Variants in ADAMTS18 observed in about 807,000 individuals in gnomAD.
ADAMTS18 encodes ADAM metallopeptidase with thrombospondin type 1 motif 18.
In ADAMTS18, 157 loss-of-function variants were observed where a neutral mutation model predicts 165.9. The ratio of observed to expected loss-of-function variants is 0.95; its 90% CI spans 0.83 to 1.08. The LOEUF (loss-of-function observed/expected upper bound fraction) is 1.08, where lower values mean the gene tolerates loss of function less well. ADAMTS18 is among the 50% of genes least tolerant of loss of function. ADAMTS18 has a pLI of 0.00. For synonymous variants in ADAMTS18, 782 were observed against 578.2 expected, an observed-to-expected ratio of 1.35 and a Z score of -5.06; for missense variants, 2,040 against 1,534.0, an observed-to-expected ratio of 1.33 and a Z score of -5.51.
intron 16 of ADAMTS18, among the ~76,000 whole-genome samples, chr16:77,302,157 C>T (rs774490515): frequency 1.3e-5 from 2 of 151,878 alleles, no homozygotes; most frequent in Non-Finnish European, 2.9e-5. Context: ...GTATGCTTTC[C>T]TGCAGTGTTT....
chr16:77,315,597 T>G (rs561618869), intron 16 of ADAMTS18, among the ~76,000 whole-genome samples: 2 of 152,166 alleles, frequency 1.3e-5, no homozygotes, highest in South Asian at 4.1e-4. Flanking sequence ...AAGATCCTGT[T>G]TCCAGCACAA....
chr16:77,413,897 C>A (rs2057496973), intron 3 of ADAMTS18, among the ~76,000 whole-genome samples: 1 of 151,036 alleles, frequency 6.6e-6, no homozygotes, highest in South Asian at 2.1e-4. Flanking sequence ...TGAAAATGTT[C>A]AGAACATGGC....
At chr16:77,392,764 C>G (rs28410352) in intron 3 of ADAMTS18, among the ~76,000 whole-genome samples, 2 of 152,078 alleles carry the variant, frequency 1.3e-5, no homozygotes, top group Non-Finnish European at 2.9e-5. Flanking sequence ...TCCTAGATGG[C>G]AGATCTCTGT....
At chr16:77,355,792 T>C (rs2056620546) in intron 9 of ADAMTS18, 148 bp downstream of exon 9, 1 of 987,490 alleles carries the variant, frequency 1.0e-6, no homozygotes, top group Admixed American at 1.8e-5. Context: ...AATGTCATCA[T>C]CACCATCATC....
intron 12 of ADAMTS18, among the ~76,000 whole-genome samples, chr16:77,334,385 TTATA>T (rs1221682928): frequency 8.9e-6 from 1 of 112,466 alleles, no homozygotes; most frequent in Non-Finnish European, 1.6e-5. Flanking sequence ...AGTATATATA[TTATA>T]TATATACTGT....
At chr16:77,344,920 T>C (rs1597149485) in intron 10 of ADAMTS18, among the ~76,000 whole-genome samples, 1 of 152,124 alleles carries the variant, frequency 6.6e-6, no homozygotes, top group East Asian at 1.9e-4. Flanking sequence ...GAGTTTGCAC[T>C]TTTTTTGCTT....
At chr16:77,335,590 T>G (rs908067750) in intron 12 of ADAMTS18, among the ~76,000 whole-genome samples, 166 bp downstream of exon 12, 1 of 152,182 alleles carries the variant, frequency 6.6e-6, no homozygotes, top group Non-Finnish European at 1.5e-5. Context: ...CCACATTGTA[T>G]AGTTGTATCA....
intron 10 of ADAMTS18, among the ~76,000 whole-genome samples, chr16:77,344,884 C>T (rs1032203013): frequency 6.6e-6 from 1 of 152,146 alleles, no homozygotes; most frequent in Non-Finnish European, 1.5e-5. Flanking sequence ...CTTGAGAAGG[C>T]TCCCTTTCAA....
At chr16:77,402,130 G>T (rs1166105874) in intron 3 of ADAMTS18, among the ~76,000 whole-genome samples, 1 of 152,144 alleles carries the variant, frequency 6.6e-6, no homozygotes, top group Non-Finnish European at 1.5e-5. Flanking sequence ...TGTCCTATGG[G>T]TTCTGTTTTT....
At chr16:77,362,391 A>G in intron 6 of ADAMTS18, 127 bp from the exon 7 acceptor site, 1 of 1,023,686 alleles carries the variant, frequency 9.8e-7, no homozygotes, top group Non-Finnish European at 1.5e-6. Context: ...CACTTGAGCT[A>G]AGGTAGGAGA....
intron 3 of ADAMTS18, among the ~76,000 whole-genome samples, chr16:77,380,776 T>C (rs1400176970): frequency 1.3e-5 from 2 of 152,176 alleles, no homozygotes; most frequent in Admixed American, 6.6e-5. Context: ...TGGGGGTCAG[T>C]GGTTCCTATG....
intron 12 of ADAMTS18, 69 bp from the exon 13 acceptor site, chr16:77,326,107 A>C: frequency 2.0e-6 from 3 of 1,483,630 alleles, no homozygotes; most frequent in Non-Finnish European, 2.8e-6. Flanking sequence ...ATGCAATAAT[A>C]TGAAGAGAGG....
At position 77,297,789 on chromosome 16, in the gene ADAMTS18, T is replaced by A. The variant is rs544695003; in HGVS notation, c.2675-374A>T. ...AGAAAAACCATTCGTGAGTTATATA[T>A]GGAAACCCTAAGATTTTGCCTTAAC... On this transcript the variant is annotated intron_variant, in intron 17 of 22. Coordinates refer to ENST00000282849, the MANE Select transcript of ADAMTS18 (RefSeq NM_199355.4). Among the ~76,000 whole-genome samples the A allele has an allele frequency of 3.9e-5, 6 of 152,114 alleles. No homozygotes were observed. The East Asian group carries it at 7.7e-4, about 20-fold the overall frequency.
chr16:77,405,721 C>G (rs1243333924), intron 3 of ADAMTS18, among the ~76,000 whole-genome samples: 1 of 151,768 alleles, frequency 6.6e-6, no homozygotes, highest in African/African-American at 2.4e-5. Flanking sequence ...CACTATGGTT[C>G]CTGATGAGGG....
chr16:77,341,708 C>T lies in ADAMTS18; in HGVS notation c.1706G>A (p.Ser569Asn). 5.6e-6 allele frequency: 9 copies of T among 1,613,044 alleles called. No homozygotes were observed. Among genetic ancestry groups the T allele is most frequent in the African/African-American group, 1.3e-5 (1 of 74,988 alleles). The stretch of plus-strand genomic sequence containing the variant: ...ACTAACAAGTATGCAGTTTACCATA[C>T]TCAAGCCACAAACGGTCCCTTCTGC... ...PAAEGTVCGLSMWCRQGQCVK... is the reference protein window; with the variant it reads ...PAAEGTVCGLNMWCRQGQCVK... Residue 569 changes from serine to asparagine, a missense_variant, in exon 11 of 23, where the codon AGT (serine) becomes AAT (asparagine). By Grantham distance (46) the Ser-to-Asn change is conservative. Transcript: ENST00000282849.
chr16:77,349,721 G>T (rs1042716450), intron 10 of ADAMTS18, among the ~76,000 whole-genome samples: 2 of 152,070 alleles, frequency 1.3e-5, no homozygotes, highest in African/African-American at 4.8e-5. Flanking sequence ...CTTAACTTTG[G>T]CAGATACATA....
intron 3 of ADAMTS18, among the ~76,000 whole-genome samples, chr16:77,417,840 G>A (rs1247213913): frequency 3.9e-5 from 6 of 152,088 alleles, no homozygotes; most frequent in Non-Finnish European, 4.4e-5. Context: ...CTCAGGCAAG[G>A]GCACACATTT....
intron 3 of ADAMTS18, among the ~76,000 whole-genome samples, chr16:77,400,349 A>C (rs1160010336): frequency 6.6e-6 from 1 of 151,558 alleles, no homozygotes; most frequent in Non-Finnish European, 1.5e-5. Flanking sequence ...TTGGGGATGG[A>C]GTGAGTTAAG....
Position 77,396,031 on chromosome 16 carries a change from A to G in ADAMTS18, c.496-28308T>C, listed in dbSNP as rs2057252542. ...CCCTAGGGTAGGGACAAGACCATTA[A>G]TATTTTGTAGATGACAAAATCGAGC... On this transcript the variant is annotated intron_variant, in intron 3 of 22. Coordinates refer to ENST00000282849, the MANE Select transcript of ADAMTS18 (RefSeq NM_199355.4). 2.6e-5 allele frequency among the ~76,000 whole-genome samples: 4 copies of G among 152,214 alleles called. No homozygotes were observed. The South Asian group carries it at 8.3e-4, about 32-fold the overall frequency.
Sources: allele counts gnomAD v4.1 joint callset (sites outside exome capture counted in the v4.1 genomes callset), GRCh38; gene constraint gnomAD v4.1.1; transcripts MANE v1.5; gene names NCBI Gene and HGNC (gene_info 2026-07-23, HGNC 2026-07-21).